IRAG2: variants seen among roughly 807,000 people sequenced by gnomAD.
The protein encoded by IRAG2 is inositol 1,4,5-triphosphate receptor associated 2.
In IRAG2, 45 loss-of-function variants were observed where a neutral mutation model predicts 69.9. The observed-to-expected ratio is 0.64, with a 90% confidence interval of 0.51 to 0.83. The LOEUF is 0.83. Among genes scored for constraint, IRAG2 ranks in the 40% least tolerant of loss-of-function variants. The probability of loss-of-function intolerance (pLI) is 0.00; values close to 1 mark genes in which losing one functional copy is unlikely to be tolerated. For missense variants in IRAG2, 520 were observed against 587.0 expected (o/e 0.89, Z 1.18); for synonymous variants, 193 against 202.4 (o/e 0.95, Z 0.40).
intron 6 of IRAG2, among the ~76,000 whole-genome samples, chr12:25,017,849 T>C (rs1944543955): frequency 1.3e-5 from 2 of 152,186 alleles, no homozygotes; most frequent in African/African-American, 4.8e-5. Flanking sequence ...ATGCTCCATT[T>C]CCTCTCTTCT....
At chr12:25,042,249 C>T (rs898150107) in intron 16 of IRAG2, among the ~76,000 whole-genome samples, 9 of 147,800 alleles carry the variant, frequency 6.1e-5, no homozygotes, top group African/African-American at 2.0e-4. Context: ...GATCTGAAAA[C>T]CAGGTAAATG....
At chr12:25,026,227 C>T (rs1944620476) in intron 8 of IRAG2, among the ~76,000 whole-genome samples, 1 of 152,154 alleles carries the variant, frequency 6.6e-6, no homozygotes, top group African/African-American at 2.4e-5. Context: ...ATATGATCAC[C>T]AGTAAACACT....
At chr12:25,060,947 T>G (rs1945591998) in intron 1 of IRAG2, among the ~76,000 whole-genome samples, 1 of 151,994 alleles carries the variant, frequency 6.6e-6, no homozygotes, top group Non-Finnish European at 1.5e-5. Flanking sequence ...AAATTAGAGG[T>G]GTGAGCCACT....
intron 1 of IRAG2, chr12:25,005,054 T>C: frequency 3.2e-6 from 2 of 625,446 alleles, no homozygotes; most frequent in Non-Finnish European, 4.6e-6. Flanking sequence ...GTTTTAACTA[T>C]GTTTGTTTCC....
intron 14 of IRAG2, among the ~76,000 whole-genome samples, chr12:25,094,513 G>A (rs1036377678): frequency 2.0e-5 from 3 of 152,022 alleles, no homozygotes; most frequent in Non-Finnish European, 4.4e-5. Flanking sequence ...GGAAGTATGA[G>A]TCCTCCTACT....
intron 15 of IRAG2, among the ~76,000 whole-genome samples, chr12:25,098,830 C>A (rs1342871682): frequency 1.3e-5 from 2 of 152,124 alleles, no homozygotes; most frequent in Admixed American, 1.3e-4. Context: ...CTGTATCAGC[C>A]TTTTGCTTCC....
At chr12:25,016,341 T>A (rs1336503283) in intron 5 of IRAG2, among the ~76,000 whole-genome samples, 3 of 152,056 alleles carry the variant, frequency 2.0e-5, no homozygotes, top group Non-Finnish European at 4.4e-5. Context: ...TCATGGCAAA[T>A]GATGCTCATA....
At chr12:25,073,530 CT>C (rs1292368777) in intron 6 of IRAG2, among the ~76,000 whole-genome samples, 2 of 152,154 alleles carry the variant, frequency 1.3e-5, no homozygotes, top group African/African-American at 4.8e-5. Context: ...AAGCTGTCTT[CT>C]AATATCTTTC....
At chr12:25,094,731 C>CT (rs71063400) in intron 14 of IRAG2, among the ~76,000 whole-genome samples, 1 of 151,572 alleles carries the variant, frequency 6.6e-6, no homozygotes, top group African/African-American at 2.4e-5. Flanking sequence ...TTATTTGTGT[C>CT]TTGTCTTCTT....
chr12:25,046,628 T>TA (rs1025856187), intron 16 of IRAG2, among the ~76,000 whole-genome samples: 1 of 151,736 alleles, frequency 6.6e-6, no homozygotes, highest in Non-Finnish European at 1.5e-5. Context: ...TTTAAAGAGG[T>TA]AAAAAACATA....
Position 25,096,529 on chromosome 12 carries a change from T to C in IRAG2, c.607-381T>C, listed in dbSNP as rs546791139. Among the ~76,000 whole-genome samples, 9 of 152,322 alleles carry C rather than the reference T, an allele frequency of 5.9e-5. No individual in the cohort carries two copies. In the East Asian group the frequency reaches 1.7e-3, roughly 29 times the overall value. ...ACATTTTTAATTCCAATATGTTTGGTTACGTTTCTTAAAATTCCAACCTAT... is the reference window on the plus strand; with the variant it reads ...ACATTTTTAATTCCAATATGTTTGGCTACGTTTCTTAAAATTCCAACCTAT... On this transcript the variant is annotated intron_variant, in intron 14 of 21. Coordinates refer to ENST00000556887, the MANE Select transcript of IRAG2 (RefSeq NM_001366544.2).
intron 15 of IRAG2, among the ~76,000 whole-genome samples, 189 bp downstream of exon 15, chr12:25,097,233 T>TTTA (rs995596605): frequency 8.9e-6 from 1 of 112,898 alleles, no homozygotes; most frequent in African/African-American, 5.6e-5. Context: ...GTTAAAAAAA[T>TTTA]ATAATACGAT....
At chr12:25,080,848 T>A (rs184960316) in intron 9 of IRAG2, among the ~76,000 whole-genome samples, 1 of 152,176 alleles carries the variant, frequency 6.6e-6, no homozygotes, top group South Asian at 2.1e-4. Context: ...ACCTATCATA[T>A]AGACAAAGAG....
intron 8 of IRAG2, among the ~76,000 whole-genome samples, chr12:25,025,218 G>C (rs932995957): frequency 1.3e-5 from 2 of 152,204 alleles, no homozygotes; most frequent in Admixed American, 6.5e-5. Context: ...AAACAGAACT[G>C]AGGCAGAGAG....
At chr12:25,021,915 A>C (rs1018264067) in intron 7 of IRAG2, among the ~76,000 whole-genome samples, 8 of 152,196 alleles carry the variant, frequency 5.3e-5, no homozygotes, top group African/African-American at 1.7e-4. Context: ...CTGCAAGTCT[A>C]TATGGATGCA....
chr12:25,043,257 G>T (rs1356640180), intron 16 of IRAG2, among the ~76,000 whole-genome samples: 1 of 152,166 alleles, frequency 6.6e-6, no homozygotes, highest in African/African-American at 2.4e-5. Flanking sequence ...CCAATGGAAA[G>T]AAACCTCCAG....
rs750428726 is a variant in IRAG2 at position 25,108,060 on chromosome 12, A to G, written c.1500A>G (p.Ter500TrpextTer10). The change falls in exon 22 of 22, where the codon TGA becomes TGG. Residue 500 changes from the stop codon to tryptophan, a stop_lost. Coordinates refer to ENST00000556887, the MANE Select transcript of IRAG2 (RefSeq NM_001366544.2). ...GACACAATGGGCCACCACCAGTGTG[A>G]CAGCAGGACATCCTAATATATGGAT... ...RLRHNGPPPV[*>W] 6.2e-7 allele frequency: 1 copy of G among 1,612,678 alleles called. No individual in the cohort carries two copies. Among genetic ancestry groups the G allele is most frequent in the Non-Finnish European group, 8.5e-7 (1 of 1,178,814 alleles).
intron 6 of IRAG2, among the ~76,000 whole-genome samples, chr12:25,071,294 C>T (rs1364340166): frequency 1.3e-5 from 2 of 151,788 alleles, no homozygotes; most frequent in South Asian, 2.1e-4. Flanking sequence ...TGCAGTGAGC[C>T]GAGATTGCGC....
intron 9 of IRAG2, among the ~76,000 whole-genome samples, chr12:25,080,021 T>A (rs1386250743): frequency 3.3e-5 from 5 of 152,176 alleles, no homozygotes; most frequent in African/African-American, 1.2e-4. Flanking sequence ...TATATTGTAA[T>A]GGGACAAATA....
Sources: gnomAD v4.1 joint callset for allele counts (sites outside exome capture counted in the v4.1 genomes callset) on GRCh38, gnomAD v4.1.1 for gene constraint, MANE v1.5 for transcripts, NCBI Gene and HGNC (gene_info 2026-07-23, HGNC 2026-07-21) for gene names.